Variants in ARHGEF4 observed in about 807,000 individuals in gnomAD.
ARHGEF4 encodes the protein APC-stimulated guanine nucleotide exchange factor 1.
In ARHGEF4, 119 loss-of-function variants were observed where a neutral mutation model predicts 162.0. The ratio of observed to expected loss-of-function variants is 0.73; its 90% confidence interval spans 0.63 to 0.86. The LOEUF (loss-of-function observed/expected upper bound fraction) is 0.86. Ranked by LOEUF, ARHGEF4 falls within the 40% of genes least tolerant of loss-of-function variation. The probability of loss-of-function intolerance (pLI) is 0.00; values close to 1 mark genes in which losing one functional copy is unlikely to be tolerated. For missense variants in ARHGEF4, 2,488 were observed against 2,456.0 expected (o/e 1.01, Z -0.28); for synonymous variants, 1,014 against 979.9 (o/e 1.03, Z -0.65).
At chr2:130,855,040 AT>A (rs577945797) in intron 1 of ARHGEF4, among the ~76,000 whole-genome samples, 52 of 146,332 alleles carry the variant, frequency 3.6e-4, no homozygotes, top group Non-Finnish European at 3.0e-4. Context: ...CGCCCGGCAA[AT>A]TTTTTTTTTT....
At chr2:130,904,782 T>TAAAA (rs34372352) in intron 1 of ARHGEF4, among the ~76,000 whole-genome samples, 1 of 149,974 alleles carries the variant, frequency 6.7e-6, no homozygotes, top group Non-Finnish European at 1.5e-5. Flanking sequence ...ATTTTCACTA[T>TAAAA]AAAAAAAAAA....
At chr2:130,864,001 G>A (rs1415771591) in intron 1 of ARHGEF4, among the ~76,000 whole-genome samples, 2 of 138,040 alleles carry the variant, frequency 1.4e-5, no homozygotes, top group African/African-American at 2.7e-5. Context: ...TGGCAAACAC[G>A]GTGAAACCCC....
intron 1 of ARHGEF4, among the ~76,000 whole-genome samples, chr2:130,905,589 G>GC (rs1244311759): frequency 1.1e-4 from 16 of 151,578 alleles, no homozygotes; most frequent in African/African-American, 4.8e-5. Context: ...ATTTAAAGCA[G>GC]CCCCCCCAAC....
intron 4 of ARHGEF4, among the ~76,000 whole-genome samples, chr2:131,019,081 T>C (rs1428035678): frequency 6.6e-6 from 1 of 152,180 alleles, no homozygotes; most frequent in South Asian, 2.1e-4. Context: ...TGAGATTCCA[T>C]GTGAATTTTA....
intron 4 of ARHGEF4, among the ~76,000 whole-genome samples, chr2:130,997,093 A>G (rs1015286322): frequency 2.6e-5 from 4 of 152,182 alleles, no homozygotes; most frequent in African/African-American, 9.7e-5. Flanking sequence ...TGCTATTACT[A>G]AAGAAGTCAC....
intron 4 of ARHGEF4, among the ~76,000 whole-genome samples, chr2:131,016,451 G>A (rs984927212): frequency 3.9e-5 from 6 of 152,156 alleles, no homozygotes; most frequent in African/African-American, 1.4e-4. Flanking sequence ...CAGCCAGGCC[G>A]CCTGCACCCT....
At chr2:130,898,411 G>C (rs960366182) in intron 1 of ARHGEF4, among the ~76,000 whole-genome samples, 1 of 152,204 alleles carries the variant, frequency 6.6e-6, no homozygotes. Flanking sequence ...ATGGAGATGC[G>C]ATTGGACGCT....
intron 1 of ARHGEF4, among the ~76,000 whole-genome samples, chr2:130,900,565 T>G (rs1574189938): frequency 6.6e-6 from 1 of 152,348 alleles, no homozygotes; most frequent in South Asian, 2.1e-4. Context: ...TAATGTCTTT[T>G]TTGAAGCTTT....
Position 130,930,947 on chromosome 2 carries a change from T to A in ARHGEF4, c.3553-5T>A. ...GACCCCTGACCCGTTCTCTCTGCTCTCCAGAACCACATGCCCTGGGAAGAA... is the reference window on the plus strand; with the variant it reads ...GACCCCTGACCCGTTCTCTCTGCTCACCAGAACCACATGCCCTGGGAAGAA... On this transcript the variant is annotated splice_polypyrimidine_tract_variant and splice_region_variant and intron_variant, in intron 2 of 13. Transcript: ENST00000409359. The A allele has an allele frequency of 1.2e-6, 2 of 1,602,624 alleles. No homozygotes were observed. The highest frequency in any genetic ancestry group is 1.7e-6 in the Non-Finnish European group (2 of 1,171,844).
intron 3 of ARHGEF4, among the ~76,000 whole-genome samples, chr2:130,931,983 C>T (rs976604917): frequency 1.3e-5 from 2 of 152,110 alleles, no homozygotes; most frequent in African/African-American, 4.8e-5. Context: ...TTAGTATATT[C>T]ATTCACTATA....
chr2:131,032,841 CT>C (rs1318380034), intron 5 of ARHGEF4, among the ~76,000 whole-genome samples: 23 of 138,160 alleles, frequency 1.7e-4, no homozygotes, highest in African/African-American at 6.5e-4. Flanking sequence ...CTTTTCTTTT[CT>C]TTTTTCTTTT....
intron 4 of ARHGEF4, among the ~76,000 whole-genome samples, chr2:131,025,801 A>G (rs1319383586): frequency 3.9e-5 from 6 of 152,162 alleles, no homozygotes; most frequent in Non-Finnish European, 5.9e-5. Context: ...TGAGAGTAAG[A>G]TAAGAGTCAT....
intron 12 of ARHGEF4, 52 bp from the exon 13 acceptor site, chr2:131,045,317 G>A (rs573811838): frequency 4.1e-5 from 63 of 1,554,702 alleles, no homozygotes; most frequent in Non-Finnish European, 5.2e-5. Flanking sequence ...GCAGGGAACT[G>A]CACCTGGGGC....
chr2:130,988,878 A>ATG, intron 4 of ARHGEF4, among the ~76,000 whole-genome samples: 1 of 63,424 alleles, frequency 1.6e-5, no homozygotes, highest in South Asian at 5.3e-4. Context: ...GTGTGTATAT[A>ATG]TATATATATA....
At chr2:130,884,224 C>A (rs940627883) in intron 1 of ARHGEF4, among the ~76,000 whole-genome samples, 15 of 144,692 alleles carry the variant, frequency 1.0e-4, no homozygotes, top group African/African-American at 4.1e-4. Context: ...CACAGAAACT[C>A]AATTTATACA....
intron 1 of ARHGEF4, among the ~76,000 whole-genome samples, chr2:130,879,632 G>A (rs1679070048): frequency 6.6e-6 from 1 of 152,036 alleles, no homozygotes; most frequent in African/African-American, 2.4e-5. Context: ...TTCACTCCTT[G>A]TTTCTATGAG....
chr2:131,039,300 CG>C, intron 6 of ARHGEF4: 2 of 1,258,598 alleles, frequency 1.6e-6, no homozygotes, highest in Non-Finnish European at 2.0e-6. Context: ...GCGATACCCC[CG>C]CAACTCCAGG....
In ARHGEF4 at chr2:131,046,294, C is replaced by A; in HGVS notation, c.*105C>A. 8.2e-7 allele frequency: 1 copy of A among 1,216,456 alleles called. No homozygotes were observed. The highest frequency in any genetic ancestry group is 1.1e-6 in the Non-Finnish European group (1 of 874,304). The allele number at this position is 1,216,456 out of a possible 1,614,324, so 75.4% of individuals were successfully genotyped here. On this transcript the variant is annotated 3_prime_UTR_variant, in exon 14 of 14. Coordinates refer to ENST00000409359, the MANE Select transcript of ARHGEF4 (RefSeq NM_001367493.1). ...TGGCCTTCCTCTGCCTGCAAGTGAG[C>A]AGGGATGGGCTGGGGAGTTGCTTGT... is the stretch of plus-strand genomic sequence containing the variant.
intron 1 of ARHGEF4, among the ~76,000 whole-genome samples, chr2:130,901,523 CTTT>C (rs113416794): frequency 1.4e-5 from 2 of 144,460 alleles, no homozygotes. Flanking sequence ...AGCCCATATT[CTTT>C]TTTTTTTTTT....
Sources: gnomAD v4.1 joint callset for allele counts (sites outside exome capture counted in the v4.1 genomes callset) on GRCh38, gnomAD v4.1.1 for gene constraint, MANE v1.5 for transcripts, NCBI Gene and HGNC (gene_info 2026-07-23, HGNC 2026-07-21) for gene names.